The following JMY variants were observed in gnomAD, a reference collection of about 807,000 sequenced individuals.
JMY encodes the protein junction mediating and regulatory protein, p53 cofactor.
In JMY, 46 loss-of-function variants were observed where a neutral mutation model predicts 103.3. That is an observed-to-expected ratio of 0.45 (90% confidence interval 0.35 to 0.57). The LOEUF is 0.57. Among genes scored for constraint, JMY ranks in the 20% least tolerant of loss-of-function variants. The probability of loss-of-function intolerance (pLI) is 0.00; values close to 1 mark genes in which losing one functional copy is unlikely to be tolerated. For missense variants in JMY, 1,238 were observed against 1,255.2 expected (o/e 0.99, Z 0.21); for synonymous variants, 526 against 489.3 (o/e 1.07, Z -0.99).
chr5:79,273,477 A>G (rs570802384), intron 1 of JMY, among the ~76,000 whole-genome samples: 69 of 152,298 alleles, frequency 4.5e-4, no homozygotes, highest in South Asian at 1.2e-3. Flanking sequence ...GTTTGACTAT[A>G]ATATGATAAA....
intron 7 of JMY, among the ~76,000 whole-genome samples, chr5:79,311,050 A>G (rs1747033098): frequency 1.3e-5 from 2 of 151,870 alleles, no homozygotes; most frequent in Non-Finnish European, 2.9e-5. Flanking sequence ...GCCCTTTTGA[A>G]TTGTGTTCAT....
chr5:79,266,608 A>C (rs1038393425), intron 1 of JMY, among the ~76,000 whole-genome samples: 3 of 152,156 alleles, frequency 2.0e-5, no homozygotes. Flanking sequence ...AGTTCTTCCA[A>C]CTGTTTTGAA....
At chr5:79,239,676 T>G (rs1204185158) in intron 1 of JMY, among the ~76,000 whole-genome samples, 1 of 151,852 alleles carries the variant, frequency 6.6e-6, no homozygotes, top group Non-Finnish European at 1.5e-5. Flanking sequence ...CCGGGTGTGG[T>G]GGCGGGCACC....
rs1315644820 is a variant in JMY at position 79,237,088 on chromosome 5, C to G, written c.438C>G (p.Ala146=). 3 of 1,547,012 alleles carry G rather than the reference C, an allele frequency of 1.9e-6. No individual in the cohort carries two copies. The highest frequency in any genetic ancestry group is 3.9e-5 in the Admixed American group (2 of 50,920). Residue 146 remains alanine (A), a synonymous_variant, in exon 1 of 11, where the codon GCC becomes GCG. Coordinates refer to ENST00000396137, the MANE Select transcript of JMY (RefSeq NM_152405.5). ...AESRLRSPVR[A]KPIPGQKTSE... is the part of the protein sequence containing the mutation. ...GTCGTCTTAGGAGCCCAGTGCGGGCCAAACCCATCCCGGGTCAGAAAACAT... is the reference window on the plus strand; with the variant it reads ...GTCGTCTTAGGAGCCCAGTGCGGGCGAAACCCATCCCGGGTCAGAAAACAT...
At chr5:79,293,550 C>T (rs569590707) in intron 4 of JMY, among the ~76,000 whole-genome samples, 4 of 152,210 alleles carry the variant, frequency 2.6e-5, no homozygotes, top group Admixed American at 6.5e-5. Context: ...TGAGCCACTG[C>T]GTCTGGCGCT....
chr5:79,261,224 T>G (rs983557715), intron 1 of JMY, among the ~76,000 whole-genome samples: 2 of 152,104 alleles, frequency 1.3e-5, no homozygotes, highest in African/African-American at 4.8e-5. Context: ...ATCTTTACCC[T>G]GAGGTTTTTC....
chr5:79,292,089 A>G (rs1003763311), intron 4 of JMY, among the ~76,000 whole-genome samples: 3 of 152,062 alleles, frequency 2.0e-5, no homozygotes, highest in Non-Finnish European at 4.4e-5. Flanking sequence ...GCTGGTTATT[A>G]GAAGGTAAAA....
At chr5:79,250,787 C>T (rs1186388598) in intron 1 of JMY, among the ~76,000 whole-genome samples, 1 of 148,524 alleles carries the variant, frequency 6.7e-6, no homozygotes, top group Non-Finnish European at 1.5e-5. Context: ...GTTGGCATTT[C>T]TGATTAGTAT....
chr5:79,239,877 G>A (rs1397433474), intron 1 of JMY, among the ~76,000 whole-genome samples: 3 of 151,328 alleles, frequency 2.0e-5, no homozygotes, highest in Admixed American at 6.6e-5. Flanking sequence ...AATTCAAATG[G>A]GTCAAAAATA....
chr5:79,270,918 T>G (rs1176251010), intron 1 of JMY, among the ~76,000 whole-genome samples: 1 of 151,960 alleles, frequency 6.6e-6, no homozygotes, highest in Non-Finnish European at 1.5e-5. Context: ...GTTTTTGTAG[T>G]AGATGACAAT....
At position 79,325,382 on chromosome 5, in the gene JMY, C is replaced by T. The variant is rs1747602158; in HGVS notation, c.*3780C>T. 2 of 152,124 alleles carry T rather than the reference C, an allele frequency of 1.3e-5. No individual in the cohort carries two copies. The highest frequency in any genetic ancestry group is 1.3e-4 in the Admixed American group (2 of 15,260). The allele number at this position is 152,124 out of a possible 1,614,324, so 9.4% of individuals were successfully genotyped here. On this transcript the variant is annotated 3_prime_UTR_variant, in exon 11 of 11. Transcript: ENST00000396137. ...TTGTAAAAAATGAACAGCTGTAAGA[C>T]ATTTCAAAACCATTGCAGACACATT...
intron 1 of JMY, among the ~76,000 whole-genome samples, chr5:79,247,801 C>T (rs540387895): frequency 1.2e-4 from 18 of 151,212 alleles, no homozygotes; most frequent in African/African-American, 3.9e-4. Context: ...TACAGGCACC[C>T]GCCACCATGC....
chr5:79,284,052 C>CTTTCT lies in JMY; in HGVS notation c.1206+5972_1206+5973insCTTTT, dbSNP rs1322138242. 149 of 993,462 alleles carry CTTTCT rather than the reference C, an allele frequency of 1.5e-4. No individual in the cohort carries two copies. The Middle Eastern group carries it at 2.2e-3, about 15-fold the overall frequency. The allele number at this position is 993,462 out of a possible 1,614,324, so 61.5% of individuals were successfully genotyped here. A position where few individuals can be genotyped will look rare whatever the true frequency, so the allele number is the denominator to read the frequency against. The stretch of plus-strand genomic sequence containing the variant: ...CCAACAGCAAGGTACAAATTACTTT[C>CTTTCT]TTTTTTTTATTTTTTTATTTTATTT... On this transcript the variant is annotated intron_variant, in intron 2 of 10. Transcript: ENST00000396137.
intron 4 of JMY, among the ~76,000 whole-genome samples, chr5:79,294,033 T>A (rs77378764): frequency 0.01 from 1,579 of 152,288 alleles, 15 homozygotes; most frequent in Non-Finnish European, 0.018. Context: ...GGAAGTGTTA[T>A]TAAAATAAGG....
At chr5:79,282,194 G>A (rs755063961) in intron 2 of JMY, among the ~76,000 whole-genome samples, 8 of 151,986 alleles carry the variant, frequency 5.3e-5, no homozygotes, top group Non-Finnish European at 1.0e-4. Context: ...GTGACAGAGC[G>A]AGACACTGTC....
rs1055172051 is a variant in JMY at position 79,238,648 on chromosome 5, C to CTTTTT, written c.1032+980_1032+984dup. Among the ~76,000 whole-genome samples the CTTTTT allele has an allele frequency of 9.6e-3, 1,159 of 120,634 alleles. 25 individuals carry two copies. Among genetic ancestry groups the CTTTTT allele is most frequent in the African/African-American group, 0.025 (861 of 34,160 alleles). 79.1% of individuals were successfully genotyped at this position (120,634 alleles called of 152,430 possible). On this transcript the variant is annotated intron_variant, in intron 1 of 10. Transcript: ENST00000396137. ...AATGCACCCCCGCCCTCCGCGCCTT[C>CTTTTT]TTTTTTTTTTTTTTTTTTGGAAGCA...
At chr5:79,270,379 A>C in intron 1 of JMY, among the ~76,000 whole-genome samples, 1 of 85,370 alleles carries the variant, frequency 1.2e-5, no homozygotes, top group Non-Finnish European at 2.6e-5. Context: ...ATTTACATAA[A>C]TATTTACATA....
chr5:79,287,995 G>A (rs1490999519), intron 2 of JMY, among the ~76,000 whole-genome samples: 1 of 152,082 alleles, frequency 6.6e-6, no homozygotes, highest in Non-Finnish European at 1.5e-5. Flanking sequence ...AAACCTGTAT[G>A]TTTTAAATTC....
rs545753908 is a variant in JMY, at chr5:79,304,690, A to G, written c.1882-1685A>G. Reference sequence around the variant, plus strand: ...TTATTATCTTATTCTCACTTTGACAATTCATTTAACTATTACTGCTTATTA... The same window carrying G: ...TTATTATCTTATTCTCACTTTGACAGTTCATTTAACTATTACTGCTTATTA... On this transcript the variant is annotated intron_variant, in intron 6 of 10. Coordinates refer to ENST00000396137, the MANE Select transcript of JMY (RefSeq NM_152405.5). 2.9e-4 allele frequency among the ~76,000 whole-genome samples: 44 copies of G among 152,332 alleles called. No individual in the cohort carries two copies. The South Asian group carries it at 8.9e-3, about 31-fold the overall frequency.
Sources: gnomAD v4.1 joint callset for allele counts (sites outside exome capture counted in the v4.1 genomes callset) on GRCh38, gnomAD v4.1.1 for gene constraint, MANE v1.5 for transcripts, NCBI Gene and HGNC (gene_info 2026-07-23, HGNC 2026-07-21) for gene names.